Variants in EXD3 observed in about 807,000 individuals in gnomAD.
EXD3 encodes the protein exonuclease mut-7 homolog.
In EXD3, 92 loss-of-function variants were observed where a neutral mutation model predicts 98.0. The ratio of observed to expected loss-of-function variants is 0.94; its 90% CI spans 0.79 to 1.12. The LOEUF (loss-of-function observed/expected upper bound fraction) is 1.12, where lower values mean the gene tolerates loss of function less well. Among genes scored for constraint, EXD3 ranks in the 50% most tolerant of loss-of-function variants. EXD3 has a pLI of 0.00. For synonymous variants in EXD3, 569 were observed against 526.0 expected, an observed-to-expected ratio of 1.08 and a Z score of -1.12; for missense variants, 1,222 against 1,191.6, an observed-to-expected ratio of 1.03 and a Z score of -0.38.
chr9:137,384,074 G>A (rs1836463779), intron 2 of EXD3, among the ~76,000 whole-genome samples: 1 of 152,194 alleles, frequency 6.6e-6, no homozygotes, highest in African/African-American at 2.4e-5. Flanking sequence ...GTGCCAGCAG[G>A]GACTCCACAG....
chr9:137,330,686 C>G (rs563046637), intron 17 of EXD3, among the ~76,000 whole-genome samples: 1 of 151,758 alleles, frequency 6.6e-6, no homozygotes, highest in African/African-American at 2.4e-5. Context: ...AACAATGGAG[C>G]CAAAAGGTAG....
At chr9:137,394,661 C>A (rs891587979) in intron 2 of EXD3, among the ~76,000 whole-genome samples, 1 of 152,014 alleles carries the variant, frequency 6.6e-6, no homozygotes, top group South Asian at 2.1e-4. Context: ...CACCTCCCCT[C>A]GGGCTGTTTA....
chr9:137,406,820 G>A (rs1452595891), intron 1 of EXD3, among the ~76,000 whole-genome samples: 2 of 150,346 alleles, frequency 1.3e-5, no homozygotes, highest in Non-Finnish European at 3.0e-5. Context: ...CCCCACCCCA[G>A]GCCGCTCCTC....
chr9:137,318,165 C>T (rs1307462885), intron 19 of EXD3, among the ~76,000 whole-genome samples: 15 of 152,296 alleles, frequency 9.8e-5, no homozygotes, highest in Admixed American at 8.5e-4. Flanking sequence ...TGAGTGTGAA[C>T]GCTGGGGGCA....
chr9:137,367,872 T>A, intron 6 of EXD3, 64 bp downstream of exon 6: 2 of 1,507,600 alleles, frequency 1.3e-6, no homozygotes, highest in South Asian at 1.2e-5. Flanking sequence ...ACAAACACTG[T>A]TTATAGAGAC....
intron 2 of EXD3, chr9:137,392,219 G>A (rs1379714704): frequency 6.6e-6 from 1 of 152,368 alleles, no homozygotes; most frequent in Non-Finnish European, 1.5e-5. Flanking sequence ...TCTTGGCCTC[G>A]GGGGAGGGAG....
chr9:137,321,140 G>A (rs962667950), intron 19 of EXD3, among the ~76,000 whole-genome samples: 5 of 152,270 alleles, frequency 3.3e-5, no homozygotes, highest in African/African-American at 9.6e-5. Context: ...GAGCCGAGCC[G>A]GAGCTTTCCC....
chr9:137,397,421 A>C (rs1837269736), intron 1 of EXD3, among the ~76,000 whole-genome samples: 1 of 152,218 alleles, frequency 6.6e-6, no homozygotes, highest in Non-Finnish European at 1.5e-5. Context: ...AGCCCACCGG[A>C]GCGAAAAACA....
chr9:137,356,865 C>A (rs1319814583), intron 7 of EXD3, among the ~76,000 whole-genome samples: 1 of 152,158 alleles, frequency 6.6e-6, no homozygotes, highest in Non-Finnish European at 1.5e-5. Flanking sequence ...TCCTGCCCTG[C>A]AAGGTCCTGG....
chr9:137,326,948 C>A (rs942334459), intron 17 of EXD3, among the ~76,000 whole-genome samples: 1 of 151,996 alleles, frequency 6.6e-6, no homozygotes, highest in Non-Finnish European at 1.5e-5. Flanking sequence ...GACGTTCCGA[C>A]ACAGGCTACG....
intron 5 of EXD3, among the ~76,000 whole-genome samples, chr9:137,368,660 C>T (rs1835402056): frequency 6.6e-6 from 1 of 152,264 alleles, no homozygotes; most frequent in Non-Finnish European, 1.5e-5. Flanking sequence ...GCGCCCCGCC[C>T]CCGCGCAGCC....
intron 19 of EXD3, 100 bp downstream of exon 19, chr9:137,323,625 C>G: frequency 1.4e-6 from 2 of 1,474,114 alleles, no homozygotes; most frequent in South Asian, 1.3e-5. Flanking sequence ...CACCCCACCC[C>G]AGACCCACCA....
intron 7 of EXD3, 194 bp downstream of exon 7, chr9:137,366,299 G>A (rs1441246728): frequency 1.8e-5 from 14 of 767,032 alleles, no homozygotes; most frequent in African/African-American, 3.4e-5. Context: ...AGAGGGCTGT[G>A]CTCCTGCCAG....
intron 5 of EXD3, among the ~76,000 whole-genome samples, 175 bp downstream of exon 5, chr9:137,372,730 G>A (rs993031433): frequency 1.1e-4 from 16 of 152,312 alleles, no homozygotes; most frequent in East Asian, 9.6e-4. Flanking sequence ...AGGGCTCCTG[G>A]GACCCGGCAC....
In EXD3 at chr9:137,420,740, C is replaced by G. The variant is rs1038716162; in HGVS notation, c.-48+2374G>C. ...GGGACCTGGAGGACAGACATTCACC[C>G]CCCCCCCCAAATTCATACAGGTATT... On this transcript the variant is annotated intron_variant, in intron 1 of 21. Coordinates refer to ENST00000340951, the MANE Select transcript of EXD3 (RefSeq NM_017820.5). Among the ~76,000 whole-genome samples, 29 of 145,766 alleles carry G rather than the reference C, an allele frequency of 2.0e-4. 2 individuals are homozygous for G. In the South Asian group the frequency reaches 3.2e-3, roughly 16 times the overall value.
chr9:137,404,585 G>T (rs1837630774), intron 1 of EXD3, among the ~76,000 whole-genome samples: 1 of 152,376 alleles, frequency 6.6e-6, no homozygotes, highest in African/African-American at 2.4e-5. Context: ...AGCCGGCCAG[G>T]CGCGGTGGCT....
chr9:137,358,847 G>A (rs183502110), intron 7 of EXD3, among the ~76,000 whole-genome samples: 4 of 151,896 alleles, frequency 2.6e-5, no homozygotes, highest in Non-Finnish European at 5.9e-5. Flanking sequence ...CACCACGGCT[G>A]GCTAATTTTT....
In EXD3 at chr9:137,327,434, G is replaced by C. The variant is rs535101786; in HGVS notation, c.1999-3291C>G. Among the ~76,000 whole-genome samples, 39 of 152,236 alleles carry C rather than the reference G, an allele frequency of 2.6e-4. 1 individual carries two copies. In the South Asian group the frequency reaches 7.9e-3, roughly 31 times the overall value. On this transcript the variant is annotated intron_variant, in intron 17 of 21. Transcript: ENST00000340951. ...AGGTGTGAGCCACCGCGCCCGGCCA[G>C]TATGGAGTCTTTGGGATGATACCCA...
chr9:137,374,613 T>G, intron 3 of EXD3: 1 of 985,340 alleles, frequency 1.0e-6, no homozygotes, highest in Non-Finnish European at 1.2e-6. Flanking sequence ...CACACGCACA[T>G]GAGTGTGTGA....
Sources: allele counts gnomAD v4.1 joint callset (sites outside exome capture counted in the v4.1 genomes callset), GRCh38; gene constraint gnomAD v4.1.1; transcripts MANE v1.5; gene names NCBI Gene and HGNC (gene_info 2026-07-23, HGNC 2026-07-21).